MTARC2: variants seen among roughly 807,000 people sequenced by gnomAD.
MTARC2 encodes the protein MOCO sulphurase C-terminal domain containing 2.
In MTARC2, 27 loss-of-function variants were observed where a neutral mutation model predicts 35.6. The observed-to-expected ratio is 0.76, with a 90% CI of 0.56 to 1.04. The LOEUF (loss-of-function observed/expected upper bound fraction) is 1.04. Ranked by LOEUF, MTARC2 falls within the 50% of genes least tolerant of loss-of-function variation. MTARC2 has a pLI of 0.00. For missense variants in MTARC2, 412 were observed against 432.5 expected, an observed-to-expected ratio of 0.95 and a Z score of 0.42; for synonymous variants, 158 against 167.1, an observed-to-expected ratio of 0.95 and a Z score of 0.42.
At chr1:220,780,851 T>C (rs770447233) in intron 6 of MTARC2, among the ~76,000 whole-genome samples, 29 of 152,126 alleles carry the variant, frequency 1.9e-4, no homozygotes, top group Admixed American at 5.2e-4. Flanking sequence ...CCTTAAACAC[T>C]TTATTTAATC....
At chr1:220,750,126 C>G (rs1433907121) in intron 1 of MTARC2, among the ~76,000 whole-genome samples, 1 of 152,090 alleles carries the variant, frequency 6.6e-6, no homozygotes, top group African/African-American at 2.4e-5. Flanking sequence ...GTTTAAATCT[C>G]CCCCTGGTGA....
chr1:220,760,829 G>A (rs1331638940), intron 2 of MTARC2, among the ~76,000 whole-genome samples: 3 of 152,150 alleles, frequency 2.0e-5, no homozygotes, highest in Non-Finnish European at 4.4e-5. Flanking sequence ...ATATACATAT[G>A]TGTTCATGAA....
chr1:220,755,111 A>G lies in MTARC2; in HGVS notation c.437A>G (p.His146Arg), dbSNP rs1572293322. The G allele has an allele frequency of 6.2e-7, 1 of 1,605,742 alleles. No homozygotes were observed. The highest frequency in any genetic ancestry group is 8.5e-7 in the Non-Finnish European group (1 of 1,176,430). Residue 146 changes from histidine (H) to arginine (R), a missense_variant, in exon 2 of 8, where the codon CAC (histidine) becomes CGC (arginine). Physicochemically the swap from His to Arg is conservative, Grantham distance 29. Coordinates refer to ENST00000366913, the MANE Select transcript of MTARC2 (RefSeq NM_017898.5). ...AAGCAGCCTTCCTCAAACAAACTCC[A>G]CAACTGCAGGTGTTCCGCTTGGGGG... ...PSKQPSSNKL[H>R]NCRIFGLDIK... is the part of the protein sequence containing the mutation.
At chr1:220,754,401 G>C (rs1474814570) in intron 1 of MTARC2, 1 of 456,310 alleles carries the variant, frequency 2.2e-6, no homozygotes, top group Admixed American at 2.3e-5. Context: ...CTGTTTGGGA[G>C]GTTTCCTGAT....
chr1:220,783,826 A>C, intron 7 of MTARC2, 93 bp from the exon 8 acceptor site: 1 of 714,348 alleles, frequency 1.4e-6, no homozygotes, highest in Non-Finnish European at 2.6e-6. Context: ...TATATGTGTA[A>C]CCTCAATAAG....
intron 2 of MTARC2, among the ~76,000 whole-genome samples, chr1:220,755,645 C>T (rs1013507935): frequency 1.3e-5 from 2 of 152,078 alleles, no homozygotes; most frequent in African/African-American, 4.8e-5. Flanking sequence ...AGTGGCCCGG[C>T]ATGTAAGCAC....
chr1:220,782,391 A>G (rs1672097404), intron 7 of MTARC2, among the ~76,000 whole-genome samples: 2 of 152,180 alleles, frequency 1.3e-5, no homozygotes, highest in Admixed American at 1.3e-4. Flanking sequence ...AGTATAATTG[A>G]AGTTTGAAAA....
intron 4 of MTARC2, among the ~76,000 whole-genome samples, chr1:220,778,687 G>A (rs1327929924): frequency 6.6e-6 from 1 of 152,126 alleles, no homozygotes; most frequent in African/African-American, 2.4e-5. Flanking sequence ...AAAATATGCC[G>A]CTCCAGCATG....
intron 2 of MTARC2, among the ~76,000 whole-genome samples, chr1:220,760,807 A>G (rs1008706191): frequency 1.3e-5 from 2 of 152,244 alleles, no homozygotes; most frequent in East Asian, 3.8e-4. Flanking sequence ...ATAAAATTAC[A>G]TAAGTAAAAT....
In MTARC2 at chr1:220,784,071, A is replaced by C. The variant is rs1672151161; in HGVS notation, c.*184A>C. On this transcript the variant is annotated 3_prime_UTR_variant, in exon 8 of 8. Transcript: ENST00000366913. ...AGTTGTGTATGCTCCAGGTTAATGC[A>C]AGGAAAGTATTAGAGGGGGGAATAT... 3.0e-6 allele frequency: 2 copies of C among 677,078 alleles called. No individual in the cohort carries two copies. Among genetic ancestry groups the C allele is most frequent in the East Asian group, 5.4e-5 (2 of 36,780 alleles). The allele number at this position is 677,078 out of a possible 1,614,324, so 41.9% of individuals were successfully genotyped here.
At chr1:220,749,443 T>C (rs1229012922) in intron 1 of MTARC2, among the ~76,000 whole-genome samples, 3 of 150,924 alleles carry the variant, frequency 2.0e-5, no homozygotes, top group Non-Finnish European at 3.0e-5. Flanking sequence ...TTTTTTTTTT[T>C]TTTTTGAGAC....
Position 220,755,199 on chromosome 1 carries a change from A to G in MTARC2, c.446+79A>G, listed in dbSNP as rs1671243138. The stretch of plus-strand genomic sequence containing the variant: ...GCTCCTCCTTGCATTCTGTCTTGCT[A>G]TAGTTTCTACAGTAGAGGATGACAT... On this transcript the variant is annotated intron_variant, in intron 2 of 7. Transcript: ENST00000366913. The G allele has an allele frequency of 1.0e-5, 15 of 1,436,834 alleles. No homozygotes were observed. In the East Asian group the frequency reaches 2.4e-4, roughly 23 times the overall value. 89.0% of individuals were successfully genotyped at this position (1,436,834 alleles called of 1,614,324 possible). A position where few individuals can be genotyped will look rare whatever the true frequency, so the allele number is the denominator to read the frequency against.
chr1:220,752,360 T>C (rs1218648413), intron 1 of MTARC2, among the ~76,000 whole-genome samples: 2 of 152,152 alleles, frequency 1.3e-5, no homozygotes, highest in Non-Finnish European at 2.9e-5. Flanking sequence ...GTGAAGGCTT[T>C]AGTGAGGCTA....
intron 4 of MTARC2, among the ~76,000 whole-genome samples, chr1:220,767,132 C>T (rs1671601856): frequency 6.6e-6 from 1 of 152,108 alleles, no homozygotes; most frequent in African/African-American, 2.4e-5. Context: ...GAACAATCCT[C>T]TGGCCACGCA....
intron 2 of MTARC2, among the ~76,000 whole-genome samples, chr1:220,759,542 T>C (rs1328000604): frequency 1.3e-5 from 2 of 152,080 alleles, no homozygotes; most frequent in Admixed American, 6.6e-5. Context: ...TGTTGGGGGC[T>C]TTTCTGCTTT....
chr1:220,757,350 C>T (rs763098791), intron 2 of MTARC2, among the ~76,000 whole-genome samples: 3 of 152,202 alleles, frequency 2.0e-5, no homozygotes, highest in Non-Finnish European at 4.4e-5. Context: ...AGCGCACTGC[C>T]CTCTCTAGCT....
chr1:220,774,680 G>GCTTGAT (rs540705734), intron 4 of MTARC2, among the ~76,000 whole-genome samples: 3,591 of 152,130 alleles, frequency 0.024, 111 homozygotes, highest in African/African-American at 0.064. Context: ...TCTGATCTGT[G>GCTTGAT]GTCTTACAAG....
At chr1:220,756,731 A>T (rs987906955) in intron 2 of MTARC2, among the ~76,000 whole-genome samples, 1 of 152,090 alleles carries the variant, frequency 6.6e-6, no homozygotes, top group East Asian at 1.9e-4. Flanking sequence ...TGCCCTGTAG[A>T]CTCACTGTGT....
chr1:220,778,047 A>G (rs2102570302), intron 4 of MTARC2, among the ~76,000 whole-genome samples: 1 of 152,252 alleles, frequency 6.6e-6, no homozygotes, highest in East Asian at 1.9e-4. Context: ...GTTCAAGACC[A>G]GCCTGGCCAA....
Sources: gnomAD v4.1 joint callset for allele counts (sites outside exome capture counted in the v4.1 genomes callset) on GRCh38, gnomAD v4.1.1 for gene constraint, MANE v1.5 for transcripts, NCBI Gene and HGNC (gene_info 2026-07-23, HGNC 2026-07-21) for gene names.